EIF5B: variants seen among roughly 807,000 people sequenced by gnomAD.
EIF5B encodes the protein eukaryotic translation initiation factor 5B, also known as eIF-5B.
EIF5B carries 47 observed loss-of-function variants against 147.5 expected under a neutral mutation model. The ratio of observed to expected loss-of-function variants is 0.32; its 90% CI spans 0.25 to 0.41. EIF5B has a LOEUF of 0.41. Ranked by LOEUF, EIF5B falls within the 10% of genes least tolerant of loss-of-function variation. EIF5B has a pLI of 1.00. For synonymous variants in EIF5B, 455 were observed against 456.2 expected, an observed-to-expected ratio of 1.00 and a Z score of 0.03; for missense variants, 1,064 against 1,413.2, an observed-to-expected ratio of 0.75 and a Z score of 3.96.
intron 1 of EIF5B, among the ~76,000 whole-genome samples, chr2:99,346,721 C>A (rs1411857865): frequency 6.6e-6 from 1 of 151,074 alleles, no homozygotes; most frequent in Non-Finnish European, 1.5e-5. Context: ...CAGGCACCCG[C>A]CACCACGCCC....
rs769370458 is a variant in EIF5B, at chr2:99,361,341, C to T, written c.440C>T (p.Pro147Leu). The T allele has an allele frequency of 6.2e-7, 1 of 1,610,076 alleles. No individual in the cohort carries two copies. The highest frequency in any genetic ancestry group is 2.2e-5 in the East Asian group (1 of 44,824). Residue 147 changes from proline to leucine, a missense_variant, in exon 4 of 24, where the codon CCT becomes CTT. Around this residue, in one of 4 missense-constraint regions of EIF5B, gnomAD observed 458 missense variants for 451.3 expected, o/e 1.01. Coordinates refer to ENST00000289371, the MANE Select transcript of EIF5B (RefSeq NM_015904.4). The part of the protein sequence containing the change: ...SDDDDDFNKL[P>L]KKAKGKAQKS... The stretch of plus-strand genomic sequence containing the variant: ...GATGATGATGATTTTAACAAACTTC[C>T]TAAAAAAGCTAAAGGGAAAGCTCAA...
At chr2:99,338,915 A>AGT (rs752676723) in intron 1 of EIF5B, among the ~76,000 whole-genome samples, 1,033 of 46,468 alleles carry the variant, frequency 0.022, 4 homozygotes, top group Middle Eastern at 0.087. Context: ...ACCTACTAGA[A>AGT]GTGTGTGTAT....
At chr2:99,382,325 C>A in intron 13 of EIF5B, 99 bp downstream of exon 13, 1 of 928,438 alleles carries the variant, frequency 1.1e-6, no homozygotes, top group Non-Finnish European at 1.7e-6. Flanking sequence ...GTAATTTGAT[C>A]TCTATAACTA....
chr2:99,390,330 G>A lies in EIF5B; in HGVS notation c.2515G>A (p.Val839Ile). 3 of 1,613,944 alleles carry A rather than the reference G, an allele frequency of 1.9e-6. No individual in the cohort carries two copies. Among genetic ancestry groups the A allele is most frequent in the Non-Finnish European group, 2.5e-6 (3 of 1,179,990 alleles). ...DGMGSLIYLLVELTQTMLSKR... is the reference protein window; with the variant it reads ...DGMGSLIYLLIELTQTMLSKR... ...CATGGGAAGTCTGATCTACCTTCTTGTAGAGTTAACTCAGACCATGTTGAG... is the reference window on the plus strand; with the variant it reads ...CATGGGAAGTCTGATCTACCTTCTTATAGAGTTAACTCAGACCATGTTGAG... Residue 839 changes from valine to isoleucine, a missense_variant, in exon 16 of 24, where the codon GTA becomes ATA. Physicochemically the swap from Val to Ile is conservative, Grantham distance 29. This residue lies in a region of EIF5B where 380 missense variants were observed against 715.6 expected (regional missense o/e 0.53). Coordinates refer to ENST00000289371, the MANE Select transcript of EIF5B (RefSeq NM_015904.4).
At position 99,399,696 on chromosome 2, in the gene EIF5B, C is replaced by G; in HGVS notation, c.*282C>G. 1 of 323,000 alleles carries G rather than the reference C, an allele frequency of 3.1e-6. No homozygotes were observed. The highest frequency in any genetic ancestry group is 5.9e-6 in the Non-Finnish European group (1 of 168,810). The allele number at this position is 323,000 out of a possible 1,614,324, so 20.0% of individuals were successfully genotyped here. Reference sequence around the variant, plus strand: ...GGCTGCTGTTTTAAAGTTTGCCCTTCCCCAAATTTGGATTTTTATTACAGA... The same window carrying G: ...GGCTGCTGTTTTAAAGTTTGCCCTTGCCCAAATTTGGATTTTTATTACAGA... On this transcript the variant is annotated 3_prime_UTR_variant, in exon 24 of 24. Transcript: ENST00000289371.
Position 99,394,719 on chromosome 2 carries a change from G to A in EIF5B, c.3090G>A (p.Gln1030=), listed in dbSNP as rs1675008488. ...KASVMLEHDP[Q]YAVILAFDVR... ...TCTTTGATGTGTTTTAACCTTTTAG[G>A]TATGCAGTAATTTTGGCCTTCGATG... The change falls in exon 21 of 24, where the codon CAG becomes CAA. Residue 1030 remains glutamine (Q), a splice_region_variant and synonymous_variant. Transcript: ENST00000289371. 1 of 1,611,518 alleles carries A rather than the reference G, an allele frequency of 6.2e-7. No homozygotes were observed. The highest frequency in any genetic ancestry group is 1.1e-5 in the South Asian group (1 of 90,320).
chr2:99,383,470 G>A (rs888771123), intron 14 of EIF5B, among the ~76,000 whole-genome samples: 1 of 152,128 alleles, frequency 6.6e-6, no homozygotes, highest in African/African-American at 2.4e-5. Context: ...AGTGAAAGGA[G>A]GAGTCACACA....
chr2:99,383,024 T>C, intron 14 of EIF5B, 103 bp downstream of exon 14: 2 of 1,156,722 alleles, frequency 1.7e-6, no homozygotes, highest in East Asian at 5.0e-5. Flanking sequence ...CTCATTTTAT[T>C]GTGCTTCACT....
intron 14 of EIF5B, among the ~76,000 whole-genome samples, chr2:99,388,242 T>A (rs1036550960): frequency 2.6e-5 from 4 of 152,192 alleles, no homozygotes; most frequent in African/African-American, 9.7e-5. Flanking sequence ...ATAAATGCAG[T>A]TATGTTTTTT....
intron 1 of EIF5B, among the ~76,000 whole-genome samples, chr2:99,344,609 G>A (rs2094268555): frequency 6.6e-6 from 1 of 152,092 alleles, no homozygotes. Flanking sequence ...GCTAATATTT[G>A]TGTTTCTAGT....
intron 14 of EIF5B, among the ~76,000 whole-genome samples, chr2:99,386,114 A>G (rs1674801872): frequency 6.6e-6 from 1 of 152,140 alleles, no homozygotes; most frequent in Admixed American, 6.5e-5. Flanking sequence ...CACTTTATCC[A>G]TTTATCTGTT....
intron 6 of EIF5B, among the ~76,000 whole-genome samples, chr2:99,365,969 T>G (rs1674319042): frequency 1.3e-5 from 2 of 152,200 alleles, no homozygotes; most frequent in South Asian, 4.1e-4. Flanking sequence ...ACTTATTCAT[T>G]GAGCTAAAAA....
At chr2:99,346,667 T>G (rs1274670753) in intron 1 of EIF5B, among the ~76,000 whole-genome samples, 2 of 132,566 alleles carry the variant, frequency 1.5e-5, no homozygotes, top group African/African-American at 2.7e-5. Flanking sequence ...ACCTCCCGGG[T>G]TGATGCCATT....
At chr2:99,389,115 T>C (rs940777182) in intron 14 of EIF5B, among the ~76,000 whole-genome samples, 1 of 152,182 alleles carries the variant, frequency 6.6e-6, no homozygotes, top group Non-Finnish European at 1.5e-5. Flanking sequence ...AGCATTCAGA[T>C]TCGTCTGATT....
At chr2:99,364,235 G>T in intron 5 of EIF5B, 36 bp from the exon 6 acceptor site, 2 of 1,534,992 alleles carry the variant, frequency 1.3e-6, no homozygotes, top group Non-Finnish European at 1.7e-6. Context: ...TTCATTAAAT[G>T]AATACAGGTT....
chr2:99,399,063 T>C (rs925843074), intron 23 of EIF5B, 154 bp downstream of exon 23: 40 of 959,206 alleles, frequency 4.2e-5, no homozygotes, highest in Non-Finnish European at 5.3e-5. Context: ...GGGCCTTGTC[T>C]GTTGAGGAAG....
At chr2:99,343,216 A>G (rs1439830657) in intron 1 of EIF5B, among the ~76,000 whole-genome samples, 1 of 151,624 alleles carries the variant, frequency 6.6e-6, no homozygotes, top group Non-Finnish European at 1.5e-5. Flanking sequence ...TTGGCTTCCC[A>G]AAGTGCTGGG....
rs547948784 is a variant in EIF5B, at chr2:99,354,930, G to T, written c.36-5306G>T. 2.6e-5 allele frequency among the ~76,000 whole-genome samples: 4 copies of T among 151,500 alleles called. No homozygotes were observed. In the South Asian group the frequency reaches 8.3e-4, roughly 32 times the overall value. On this transcript the variant is annotated intron_variant, in intron 1 of 23. Transcript: ENST00000289371. ...AGATTCTCCTGCTTCAGCCTCCTGA[G>T]TAGCTGGGATTACAGGCACCTGCCG...
At chr2:99,360,817 G>A (rs569140941) in intron 3 of EIF5B, among the ~76,000 whole-genome samples, 203 of 152,174 alleles carry the variant, frequency 1.3e-3, no homozygotes, top group Non-Finnish European at 9.3e-4. Context: ...TTCATCCTTC[G>A]AATTTGGATA....
Sources: gnomAD v4.1 joint callset for allele counts (sites outside exome capture counted in the v4.1 genomes callset) on GRCh38, gnomAD v4.1.1 for gene constraint, gnomAD v4.1.1 regional missense constraint, MANE v1.5 for transcripts, NCBI Gene and HGNC (gene_info 2026-07-23, HGNC 2026-07-21) for gene names.